FGFR4: variants seen among roughly 807,000 people sequenced by gnomAD.
FGFR4 encodes the protein hydroxyaryl-protein kinase.
A neutral mutation model predicts 89.9 loss-of-function variants in FGFR4; 63 were observed. The ratio of observed to expected loss-of-function variants is 0.70; its 90% confidence interval spans 0.57 to 0.86. FGFR4 has a LOEUF of 0.86. FGFR4 is among the 40% of genes least tolerant of loss of function. The probability of loss-of-function intolerance (pLI) is 0.00; values close to 1 mark genes in which losing one functional copy is unlikely to be tolerated. For missense variants in FGFR4, 928 were observed against 1,106.7 expected, an observed-to-expected ratio of 0.84 and a Z score of 2.29; for synonymous variants, 486 against 479.4, an observed-to-expected ratio of 1.01 and a Z score of -0.18.
rs201505563 is a variant in FGFR4 at position 177,096,143 on chromosome 5, C to T, written c.1908C>T (p.Gly636=). ...TTGCTGACTTTGGGCTGGCCCGCGGCGTCCACCACATTGACTACTATAAGA... is the reference window on the plus strand; with the variant it reads ...TTGCTGACTTTGGGCTGGCCCGCGGTGTCCACCACATTGACTACTATAAGA... ...MKIADFGLAR[G]VHHIDYYKKT... Residue 636 remains glycine (G), a synonymous_variant, in exon 14 of 18, where the codon GGC becomes GGT. Transcript: ENST00000292408. 44 of 1,614,096 alleles carry T rather than the reference C, an allele frequency of 2.7e-5. No homozygotes were observed. The East Asian group carries it at 9.1e-4, about 34-fold the overall frequency.
In FGFR4 at chr5:177,095,549, C is replaced by A. The variant is rs1278508835; in HGVS notation, c.1647C>A (p.Ile549=). 8 of 1,610,264 alleles carry A rather than the reference C, an allele frequency of 5.0e-6. No individual in the cohort carries two copies. The highest frequency in any genetic ancestry group is 3.4e-5 in the Admixed American group (2 of 59,640). Residue 549 remains isoleucine (I), a synonymous_variant, in exon 13 of 18, where the codon ATC becomes ATA. Transcript: ENST00000292408. The surrounding 1 kb of genome is among the most constrained non-coding windows in gnomAD (Gnocchi z 5.7). ...CCTCTGCAGGGCCCCTGTACGTGAT[C>A]GTGGAGTGCGCCGCCAAGGGAAACC... ...VCTQEGPLYV[I]VECAAKGNLR... is the part of the protein sequence containing the mutation.
rs748892957 is a variant in FGFR4, at chr5:177,095,323, C to G, written c.1520-7C>G. 3 of 1,613,632 alleles carry G rather than the reference C, an allele frequency of 1.9e-6. No homozygotes were observed. In the Middle Eastern group the frequency reaches 5.0e-4, roughly 267 times the overall value. ...CAGCCTCTTCACCCCGTCTGCTGCC[C>G]TTACAGACAACGCCTCTGACAAGGA... On this transcript the variant is annotated splice_region_variant and splice_polypyrimidine_tract_variant and intron_variant, in intron 11 of 17. Coordinates refer to ENST00000292408, the MANE Select transcript of FGFR4 (RefSeq NM_213647.3). This position sits in a 1 kb window ranked among gnomAD's most constrained non-coding sequence, Gnocchi z 5.7.
chr5:177,097,048 G>GCTCCTCCTC lies in FGFR4; in HGVS notation c.2154-238_2154-237insCTCCTCCTC. The GCTCCTCCTC allele has an allele frequency of 7.4e-5, 2 of 27,076 alleles. 1 individual carries two copies. The highest frequency in any genetic ancestry group is 0.012 in the Middle Eastern group (2 of 172). 1.7% of individuals were successfully genotyped at this position (27,076 alleles called of 1,614,324 possible). The stretch of plus-strand genomic sequence containing the variant: ...TCCTCCTCTTCCTCCTTCTCCTCCT[G>GCTCCTCCTC]CTCCTCTTCCTCCTCCTTCTCTTCC... On this transcript the variant is annotated intron_variant, in intron 16 of 17. Transcript: ENST00000292408.
intron 17 of FGFR4, 56 bp downstream of exon 17, chr5:177,097,453 T>G: frequency 1.9e-6 from 3 of 1,584,290 alleles, no homozygotes; most frequent in Non-Finnish European, 2.6e-6. Flanking sequence ...AGGCCTCATC[T>G]GGCCTGACCG....
chr5:177,088,940 G>A (rs1400059054), intron 1 of FGFR4, among the ~76,000 whole-genome samples: 1 of 152,248 alleles, frequency 6.6e-6, no homozygotes, highest in East Asian at 1.9e-4. Context: ...TCTGGCAGAT[G>A]GAAAATTAGG....
Position 177,090,991 on chromosome 5 carries a change from G to A in FGFR4, c.490G>A (p.Ala164Thr), listed in dbSNP as rs1416589788. Residue 164 changes from alanine to threonine, a missense_variant, in exon 5 of 18, where the codon GCG (alanine) becomes ACG (threonine). Transcript: ENST00000292408. ...GGAGAAGAAACTGCATGCAGTACCT[G>A]CGGGGAACACCGTCAAGTTCCGCTG... is the stretch of plus-strand genomic sequence containing the variant. ...RMEKKLHAVPAGNTVKFRCPA... is the reference protein window; with the variant it reads ...RMEKKLHAVPTGNTVKFRCPA... 6.2e-7 allele frequency: 1 copy of A among 1,614,002 alleles called. No individual in the cohort carries two copies.
rs147223705 is a variant in FGFR4, at chr5:177,095,704, A to G, written c.1802A>G (p.Gln601Arg). 3.2e-5 allele frequency: 52 copies of G among 1,606,736 alleles called. No homozygotes were observed. The highest frequency in any genetic ancestry group is 4.1e-5 in the Non-Finnish European group (48 of 1,178,096). The change falls in exon 13 of 18, where the codon CAG becomes CGG. Residue 601 changes from glutamine to arginine, a missense_variant. Physicochemically the swap from Gln to Arg is conservative, Grantham distance 43 (BLOSUM62 1). Transcript: ENST00000292408. The surrounding 1 kb of genome is among the most constrained non-coding windows in gnomAD (Gnocchi z 5.7). ...GCCTACCAGGTGGCCCGAGGCATGC[A>G]GTATCTGGAGTCCCGGAAGGTACAG... is the stretch of plus-strand genomic sequence containing the variant. The part of the protein sequence containing the change: ...SCAYQVARGM[Q>R]YLESRKCIHR...
intron 17 of FGFR4, 56 bp from the exon 18 acceptor site, chr5:177,097,471 A>G (rs1784648826): frequency 1.9e-6 from 3 of 1,602,452 alleles, no homozygotes; most frequent in Admixed American, 3.4e-5. Context: ...CCGCGTGGAC[A>G]TGCGCCCCGT....
chr5:177,094,447 C>T (rs1422550215), intron 11 of FGFR4, among the ~76,000 whole-genome samples: 3 of 152,096 alleles, frequency 2.0e-5, no homozygotes, highest in Admixed American at 6.5e-5. Context: ...GCTTTGACTT[C>T]ACATCTCCTT....
Position 177,097,319 on chromosome 5 carries a change from C to G in FGFR4, c.2181C>G (p.His727Gln), listed in dbSNP as rs1031290542. Residue 727 changes from histidine (H) to glutamine (Q), a missense_variant, in exon 17 of 18, where the codon CAC becomes CAG. By Grantham distance (24) the His-to-Gln change is conservative. Coordinates refer to ENST00000292408, the MANE Select transcript of FGFR4 (RefSeq NM_213647.3). ...ELYGLMRECWHAAPSQRPTFK... is the reference protein window; with the variant it reads ...ELYGLMRECWQAAPSQRPTFK... ...ACGGGCTGATGCGTGAGTGCTGGCA[C>G]GCAGCGCCCTCCCAGAGGCCTACCT... is the stretch of plus-strand genomic sequence containing the variant. The G allele has an allele frequency of 2.5e-6, 4 of 1,609,484 alleles. No homozygotes were observed. In the African/African-American group the frequency reaches 4.0e-5, roughly 16 times the overall value.
In FGFR4 at chr5:177,090,531, G is replaced by T; in HGVS notation, c.233G>T (p.Arg78Leu). The T allele has an allele frequency of 6.4e-7, 1 of 1,555,924 alleles. No individual in the cohort carries two copies. Among genetic ancestry groups the T allele is most frequent in the Non-Finnish European group, 8.7e-7 (1 of 1,151,276 alleles). The change falls in exon 3 of 18, where the codon CGT becomes CTT. Residue 78 changes from arginine (R) to leucine (L), a missense_variant. Coordinates refer to ENST00000292408, the MANE Select transcript of FGFR4 (RefSeq NM_213647.3). ...GGCAGTCGCCTGGCACCTGCTGGCC[G>T]TGTACGGGGCTGGAGGGGCCGCCTA... ...KEGSRLAPAG[R>L]VRGWRGRLEI...
Position 177,092,427 on chromosome 5 carries a change from G to C in FGFR4, c.834G>C (p.Gln278His). 6.2e-7 allele frequency: 1 copy of C among 1,606,992 alleles called. No individual in the cohort carries two copies. Among genetic ancestry groups the C allele is most frequent in the Non-Finnish European group, 8.5e-7 (1 of 1,176,434 alleles). Residue 278 changes from glutamine (Q) to histidine (H), a missense_variant, in exon 7 of 18, where the codon CAG becomes CAC. Around this residue, in one of 5 missense-constraint regions of FGFR4, gnomAD observed 741 missense variants for 836.9 expected, o/e 0.89. Coordinates refer to ENST00000292408, the MANE Select transcript of FGFR4 (RefSeq NM_213647.3). ...TGTGCAAGGTGTACAGCGATGCCCAGCCCCACATCCAGTGGCTGAAGCACA... is the reference window on the plus strand; with the variant it reads ...TGTGCAAGGTGTACAGCGATGCCCACCCCCACATCCAGTGGCTGAAGCACA... ...ELLCKVYSDA[Q>H]PHIQWLKHIV... is the part of the protein sequence containing the mutation.
intron 3 of FGFR4, 32 bp downstream of exon 3, chr5:177,090,685 C>T (rs2149731181): frequency 6.5e-7 from 1 of 1,538,890 alleles, no homozygotes; most frequent in East Asian, 2.3e-5. Flanking sequence ...TGAAGGGATG[C>T]CTGGGGAGAC....
rs987602724 is a variant in FGFR4, at chr5:177,090,443, C to A, written c.145C>A (p.Leu49Ile). ...EQQEQELTVA[L>I]GQPVRLCCGR... ...GCAAGAGCAGGAGCTGACAGTAGCCCTTGGGCAGCCTGTGCGTCTGTGCTG... is the reference window on the plus strand; with the variant it reads ...GCAAGAGCAGGAGCTGACAGTAGCCATTGGGCAGCCTGTGCGTCTGTGCTG... Residue 49 changes from leucine (L) to isoleucine (I), a missense_variant, in exon 3 of 18, where the codon CTT becomes ATT. Transcript: ENST00000292408. 10 of 1,605,456 alleles carry A rather than the reference C, an allele frequency of 6.2e-6. No homozygotes were observed. Among genetic ancestry groups the A allele is most frequent in the Non-Finnish European group, 8.5e-6 (10 of 1,178,752 alleles).
At chr5:177,096,022 G>A in intron 13 of FGFR4, 35 bp from the exon 14 acceptor site, 7 of 1,602,218 alleles carry the variant, frequency 4.4e-6, no homozygotes, top group Non-Finnish European at 5.1e-6. Context: ...TCCAGGCCAG[G>A]TGTCCTGAGG....
chr5:177,090,183 CTG>C (rs1784306664), intron 2 of FGFR4: 3 of 717,754 alleles, frequency 4.2e-6, no homozygotes, highest in Admixed American at 2.0e-5. Flanking sequence ...GCACTAAATG[CTG>C]TGTGTGTGAC....
rs767531062 is a variant in FGFR4 at position 177,093,220 on chromosome 5, G to A, written c.1140G>A (p.Leu380=). ...IILYASGSLA[L]AVLLLLAGLY... ...TGTACGCGTCGGGCTCCCTGGCCTT[G>A]GCTGTGCTCCTGCTGCTGGCCGGGC... Residue 380 remains leucine, a synonymous_variant, in exon 9 of 18, where the codon TTG becomes TTA. Transcript: ENST00000292408. This position sits in a 1 kb window ranked among gnomAD's most constrained non-coding sequence, Gnocchi z 5.8. 12 of 1,612,560 alleles carry A rather than the reference G, an allele frequency of 7.4e-6. No homozygotes were observed. In the East Asian group the frequency reaches 2.7e-4, roughly 36 times the overall value.
intron 7 of FGFR4, 53 bp downstream of exon 7, chr5:177,092,564 T>G (rs1229549209): frequency 1.8e-5 from 28 of 1,563,978 alleles, no homozygotes; most frequent in Middle Eastern, 1.7e-4. Context: ...CCACCTTGGG[T>G]TGGGGGGCTC....
intron 8 of FGFR4, 143 bp downstream of exon 8, chr5:177,092,927 T>G: frequency 7.1e-7 from 1 of 1,400,194 alleles, no homozygotes; most frequent in Non-Finnish European, 9.9e-7. Flanking sequence ...GTTTGAGCTG[T>G]ATGACAGCCC....
Sources: gnomAD v4.1 joint callset for allele counts (sites outside exome capture counted in the v4.1 genomes callset) on GRCh38, gnomAD v4.1.1 for gene constraint, gnomAD v4.1.1 regional missense constraint, Gnocchi (gnomAD v3.1) non-coding constraint, MANE v1.5 for transcripts, NCBI Gene and HGNC (gene_info 2026-07-23, HGNC 2026-07-21) for gene names.